Variants in MACF1 observed in about 807,000 individuals in gnomAD.
MACF1 encodes microtubule-actin cross-linking factor 1.
A neutral mutation model predicts 854.8 loss-of-function variants in MACF1; 193 were observed. The observed-to-expected ratio is 0.23, with a 90% confidence interval of 0.20 to 0.25. MACF1 has a LOEUF of 0.25. MACF1 is among the 10% of genes least tolerant of loss of function. The pLI is 1.00. For missense variants in MACF1, 7,722 were observed against 8,929.1 expected (o/e 0.86, Z 5.45); for synonymous variants, 3,185 against 3,226.7 (o/e 0.99, Z 0.44).
rs375560406 is a variant in MACF1 at position 39,190,452 on chromosome 1, T to TGTA, written c.221-40727_221-40725dup. 1.8e-3 allele frequency among the ~76,000 whole-genome samples: 233 copies of TGTA among 130,876 alleles called. 1 individual carries two copies. Among genetic ancestry groups the TGTA allele is most frequent in the African/African-American group, 6.0e-3 (218 of 36,382 alleles). The allele number at this position is 130,876 out of a possible 152,430, so 85.9% of individuals were successfully genotyped here. On this transcript the variant is annotated intron_variant, in intron 2 of 93. Coordinates refer to the MACF1 transcript ENST00000361689. ...TCTTGCTTTGTCACCCAGGTTGAAG[T>TGTA]GTAGTGGCGTGAGTAGCTGGGACTA...
At chr1:39,096,900 G>A (rs1353745729) in intron 2 of MACF1, among the ~76,000 whole-genome samples, 3 of 135,344 alleles carry the variant, frequency 2.2e-5, no homozygotes, top group Admixed American at 8.1e-5. Context: ...TTTTTGAGAC[G>A]GACTCTTGCT....
chr1:39,122,883 C>T (rs1414536256), intron 2 of MACF1, among the ~76,000 whole-genome samples: 1 of 152,124 alleles, frequency 6.6e-6, no homozygotes, highest in Non-Finnish European at 1.5e-5. Flanking sequence ...TCCTTAGATA[C>T]CACAGCCATT....
chr1:39,148,447 A>G (rs574034065), intron 2 of MACF1, among the ~76,000 whole-genome samples: 5 of 152,218 alleles, frequency 3.3e-5, no homozygotes, highest in Non-Finnish European at 7.3e-5. Context: ...ATAAAAATAT[A>G]AAATTAAAGT....
intron 58 of MACF1, chr1:39,414,126 G>T (rs1304132824): frequency 6.2e-7 from 1 of 1,608,740 alleles, no homozygotes; most frequent in Non-Finnish European, 8.5e-7. Flanking sequence ...CAGCTGCAGT[G>T]TCCAACCTAG....
chr1:39,432,411 C>T, intron 66 of MACF1, 124 bp from the exon 67 acceptor site: 1 of 726,280 alleles, frequency 1.4e-6, no homozygotes, highest in Non-Finnish European at 2.2e-6. Flanking sequence ...CCAGTTTTGA[C>T]TCTACTTTGT....
chr1:39,352,081 T>C (rs1647200826), intron 43 of MACF1, among the ~76,000 whole-genome samples: 2 of 152,196 alleles, frequency 1.3e-5, no homozygotes, highest in Non-Finnish European at 2.9e-5. Context: ...CACTGGCAGA[T>C]TGAATTTGAA....
intron 63 of MACF1, 84 bp from the exon 64 acceptor site, chr1:39,429,158 T>A: frequency 1.4e-6 from 1 of 690,854 alleles, no homozygotes; most frequent in Non-Finnish European, 2.6e-6. Flanking sequence ...TCTCTTTACT[T>A]TAAATTTGAT....
Position 39,193,334 on chromosome 1 carries a change from T to G in MACF1, c.221-37848T>G, listed in dbSNP as rs372578767. Among the ~76,000 whole-genome samples the G allele has an allele frequency of 2.6e-5, 4 of 152,134 alleles. No homozygotes were observed. In the East Asian group the frequency reaches 5.8e-4, roughly 22 times the overall value. On this transcript the variant is annotated intron_variant, in intron 2 of 93. Transcript: ENST00000361689. ...CAGAGAGAGAGATTACTTAAAATGGTAATATGGCTGTTGAGGTTGACTAGA... is the reference window on the plus strand; with the variant it reads ...CAGAGAGAGAGATTACTTAAAATGGGAATATGGCTGTTGAGGTTGACTAGA...
chr1:39,248,163 A>G (rs1350945006), intron 2 of MACF1, among the ~76,000 whole-genome samples: 3 of 152,094 alleles, frequency 2.0e-5, no homozygotes, highest in Non-Finnish European at 2.9e-5. Flanking sequence ...GTCCATCTCT[A>G]TGCCAAGTCT....
chr1:39,138,072 C>CAAAAA (rs1213606775), intron 2 of MACF1, among the ~76,000 whole-genome samples: 1 of 50,310 alleles, frequency 2.0e-5, no homozygotes, highest in African/African-American at 7.1e-5. Flanking sequence ...GACTCCATCT[C>CAAAAA]AAAAAAAAAA....
chr1:39,296,026 C>T (rs913429480), intron 20 of MACF1, 144 bp downstream of exon 20: 58 of 657,782 alleles, frequency 8.8e-5, no homozygotes, highest in Non-Finnish European at 1.3e-4. Flanking sequence ...ATTTAGATAG[C>T]TCATGATTCA....
chr1:39,411,990 G>A, intron 58 of MACF1: 1 of 1,614,000 alleles, frequency 6.2e-7, no homozygotes, highest in Non-Finnish European at 8.5e-7. Flanking sequence ...GTGAAAAAGT[G>A]CCTTTTAGCC....
intron 2 of MACF1, among the ~76,000 whole-genome samples, chr1:39,093,928 G>A (rs865790277): frequency 1.3e-5 from 2 of 152,020 alleles, no homozygotes; most frequent in Non-Finnish European, 2.9e-5. Context: ...ACAGGCGTGC[G>A]CCACCACACC....
At position 39,233,808 on chromosome 1, in the gene MACF1, T is replaced by TTTTTTTTTTTTTTTGTTTTA. The variant is rs755591226; in HGVS notation, c.171+2565_171+2566insTTTTTTTTTTTTTTGTTTTA. ...TTTTTTTTTTTTTTTATTTATTTTT[T>TTTTTTTTTTTTTTTGTTTTA]ATTGATAATTCTTGGGTGTTTCTCA... On this transcript the variant is annotated intron_variant, in intron 2 of 100. Transcript: ENST00000564288. 3.0e-5 allele frequency among the ~76,000 whole-genome samples: 2 copies of TTTTTTTTTTTTTTTGTTTTA among 65,772 alleles called. 1 individual carries two copies. Among genetic ancestry groups the TTTTTTTTTTTTTTTGTTTTA allele is most frequent in the Non-Finnish European group, 6.6e-5 (2 of 30,152 alleles). 43.1% of individuals were successfully genotyped at this position (65,772 alleles called of 152,430 possible).
At chr1:39,372,458 G>T (rs1649334990) in intron 51 of MACF1, 21 bp from the exon 52 acceptor site, 1 of 1,435,776 alleles carries the variant, frequency 7.0e-7, no homozygotes, top group Non-Finnish European at 9.8e-7. Flanking sequence ...ACTACATTTG[G>T]CCATTTTCTT....
chr1:39,431,408 C>A lies in MACF1; in HGVS notation c.17337+500C>A, dbSNP rs539672408. ...TCCTTCCTACTTTCTGGAAAAAAAT[C>A]ATTTGTTCTTTTGTGTAGCTGGATA... On this transcript the variant is annotated intron_variant, in intron 66 of 100. Coordinates refer to ENST00000564288, the MANE Select transcript of MACF1 (RefSeq NM_001394062.1). 2.0e-5 allele frequency among the ~76,000 whole-genome samples: 3 copies of A among 152,228 alleles called. No individual in the cohort carries two copies. The East Asian group carries it at 5.8e-4, about 29-fold the overall frequency.
At chr1:39,485,432 G>A in intron 100 of MACF1, 106 bp from the exon 101 acceptor site, 1 of 1,295,530 alleles carries the variant, frequency 7.7e-7, no homozygotes, top group South Asian at 1.5e-5. Flanking sequence ...GAAAGGCTGT[G>A]AGATTTGCTT....
At chr1:39,222,715 C>T (rs1340171293) in intron 1 of MACF1, among the ~76,000 whole-genome samples, 1 of 152,184 alleles carries the variant, frequency 6.6e-6, no homozygotes, top group Non-Finnish European at 1.5e-5. Context: ...TTGTAAACTT[C>T]ATGCGGTCAC....
rs1375788575 is a variant in MACF1 at position 39,409,696 on chromosome 1, G to A, written c.15817-12678G>A. On this transcript the variant is annotated intron_variant, in intron 58 of 100. Transcript: ENST00000564288. The surrounding 1 kb of genome is among the most constrained non-coding windows in gnomAD (Gnocchi z 4.2). ...TGTGTTTAAAGTTGCAGGAATATCCGCCGACCAGCCCAGTTCAAATGCAAA... is the reference window on the plus strand; with the variant it reads ...TGTGTTTAAAGTTGCAGGAATATCCACCGACCAGCCCAGTTCAAATGCAAA... 6.6e-6 allele frequency: 1 copy of A among 152,400 alleles called. No individual in the cohort carries two copies. The highest frequency in any genetic ancestry group is 2.4e-5 in the African/African-American group (1 of 41,464). 9.4% of individuals were successfully genotyped at this position (152,400 alleles called of 1,614,324 possible). A position where few individuals can be genotyped will look rare whatever the true frequency, so the allele number is the denominator to read the frequency against.
Sources: allele counts gnomAD v4.1 joint callset (sites outside exome capture counted in the v4.1 genomes callset), GRCh38; gene constraint gnomAD v4.1.1; non-coding constraint Gnocchi (gnomAD v3.1); transcripts MANE v1.5; gene names NCBI Gene and HGNC (gene_info 2026-07-23, HGNC 2026-07-21).